Variants in LEPROTL1 observed in about 807,000 individuals in gnomAD.
The protein encoded by LEPROTL1 is leptin receptor overlapping transcript-like 1.
In LEPROTL1, 6 loss-of-function variants were observed where a neutral mutation model predicts 15.4. That is an observed-to-expected ratio of 0.39 (90% confidence interval 0.21 to 0.77). The LOEUF is 0.77. LEPROTL1 is among the 30% of genes least tolerant of loss of function. The pLI, the probability that LEPROTL1 is intolerant of heterozygous loss-of-function variation, is 0.41. For missense variants in LEPROTL1, 128 were observed against 158.1 expected (o/e 0.81, Z 1.02); for synonymous variants, 56 against 52.6 (o/e 1.06, Z -0.28).
downstream of LEPROTL1, among the ~76,000 whole-genome samples, chr8:30,110,565 C>A (rs1802641060): frequency 6.6e-6 from 1 of 152,038 alleles, no homozygotes; most frequent in Admixed American, 6.6e-5. Flanking sequence ...GAAACCCCAT[C>A]TCTTCTAAAA....
intron 1 of LEPROTL1, among the ~76,000 whole-genome samples, chr8:30,097,481 T>G (rs1736918531): frequency 6.6e-6 from 1 of 151,520 alleles, no homozygotes; most frequent in Admixed American, 6.6e-5. Flanking sequence ...GACCAACCTG[T>G]CCAAGATGGT....
intron 1 of LEPROTL1, among the ~76,000 whole-genome samples, chr8:30,098,309 AATAT>A (rs1178645144): frequency 6.6e-6 from 1 of 152,192 alleles, no homozygotes; most frequent in African/African-American, 2.4e-5. Context: ...CCTATTGAAA[AATAT>A]ATATAAGTGA....
At chr8:30,098,719 C>T (rs1029942245) in intron 1 of LEPROTL1, among the ~76,000 whole-genome samples, 15 of 152,190 alleles carry the variant, frequency 9.9e-5, no homozygotes, top group African/African-American at 3.6e-4. Context: ...TTGGACCCTC[C>T]AGAGTCTCAG....
At chr8:30,102,300 G>A (rs1234154943) in intron 2 of LEPROTL1, among the ~76,000 whole-genome samples, 1 of 148,018 alleles carries the variant, frequency 6.8e-6, no homozygotes, top group East Asian at 2.0e-4. Flanking sequence ...ATGTCTTTTT[G>A]CAAAAAAATA....
intron 3 of LEPROTL1, among the ~76,000 whole-genome samples, chr8:30,129,211 C>T (rs1205679697): frequency 6.6e-6 from 1 of 152,174 alleles, no homozygotes; most frequent in Non-Finnish European, 1.5e-5. Flanking sequence ...AAGGCCACTA[C>T]AAATCCTTGC....
At chr8:30,133,311 G>T (rs777669582) in intron 4 of LEPROTL1, among the ~76,000 whole-genome samples, 2 of 152,118 alleles carry the variant, frequency 1.3e-5, no homozygotes, top group African/African-American at 2.4e-5. Flanking sequence ...TGAAATTAGC[G>T]TAAAAAATCT....
intron 3 of LEPROTL1, among the ~76,000 whole-genome samples, chr8:30,119,996 G>A (rs1246821681): frequency 6.6e-6 from 1 of 152,150 alleles, no homozygotes; most frequent in Non-Finnish European, 1.5e-5. Context: ...TTGAACCTGG[G>A]AGGCAGAGGT....
chr8:30,096,395 G>A (rs1236521930), intron 1 of LEPROTL1: 2 of 985,328 alleles, frequency 2.0e-6, no homozygotes, highest in Non-Finnish European at 2.4e-6. Context: ...CTGCCGCTCT[G>A]TAGAAGGGCA....
rs11463597 is a variant in LEPROTL1 at position 30,102,333 on chromosome 8, T to TAA, written c.92+368_92+369dup. Among the ~76,000 whole-genome samples the TAA allele has an allele frequency of 7.9e-3, 1,182 of 150,498 alleles. 26 individuals carry two copies. The highest frequency in any genetic ancestry group is 0.026 in the African/African-American group (1,069 of 41,056). On this transcript the variant is annotated intron_variant, in intron 2 of 3. Coordinates refer to ENST00000321250, the MANE Select transcript of LEPROTL1 (RefSeq NM_015344.3). ...ATACCATAAGCAGTCAAAACACAAT[T>TAA]AAAAAAAAAGAGAGAGATGTAAACA...
At chr8:30,132,564 T>C (rs142604585) in intron 4 of LEPROTL1, 2 of 1,551,738 alleles carry the variant, frequency 1.3e-6, no homozygotes, top group South Asian at 2.4e-5. Context: ...TCAGTCCCGC[T>C]CCTGCATCCA....
chr8:30,124,802 C>T (rs1434452506), intron 3 of LEPROTL1, among the ~76,000 whole-genome samples: 1 of 152,158 alleles, frequency 6.6e-6, no homozygotes, highest in African/African-American at 2.4e-5. Context: ...CTCTTCAATC[C>T]TAAACAACAT....
chr8:30,114,520 A>G (rs1001457856), intron 3 of LEPROTL1, among the ~76,000 whole-genome samples: 5 of 151,920 alleles, frequency 3.3e-5, no homozygotes, highest in Non-Finnish European at 5.9e-5. Flanking sequence ...TGAACTCCTG[A>G]CCTGAAGTCA....
downstream of LEPROTL1, among the ~76,000 whole-genome samples, chr8:30,112,413 TTTTTTTTTTTTTTTTTTTGGATTTTTGG>T (rs1417735400): frequency 1.6e-5 from 2 of 125,728 alleles, no homozygotes; most frequent in African/African-American, 2.9e-5. Flanking sequence ...TTTTTTTTTT[TTTTTTTTTTTTTTTTTTTGGATTTTTGG>T]TAGGCACAGG....
At position 30,124,859 on chromosome 8, in the gene LEPROTL1, TTAACA is replaced by T. The variant is rs1207767366; in HGVS notation, c.280-7512_280-7508del. 2.0e-5 allele frequency among the ~76,000 whole-genome samples: 3 copies of T among 152,306 alleles called. No individual in the cohort carries two copies. In the East Asian group the frequency reaches 5.8e-4, roughly 29 times the overall value. The stretch of plus-strand genomic sequence containing the variant: ...TACCATGAGTGTCATCCATTAGGAG[TTAACA>T]TAATGTTCTTTCTACAGGGAAATGT... On this transcript the variant is annotated intron_variant, in intron 3 of 4. Transcript: ENST00000442880.
intron 3 of LEPROTL1, chr8:30,117,296 T>A: frequency 1.4e-6 from 1 of 690,302 alleles, no homozygotes; most frequent in Non-Finnish European, 2.4e-6. Flanking sequence ...CAGACCAGCC[T>A]GGACAAAATA....
intron 3 of LEPROTL1, among the ~76,000 whole-genome samples, chr8:30,118,806 C>G (rs962826179): frequency 3.3e-5 from 5 of 152,164 alleles, no homozygotes; most frequent in Admixed American, 2.6e-4. Context: ...GAATCTGTGT[C>G]ACAAATAAGT....
At position 30,107,341 on chromosome 8, in the gene LEPROTL1, T is replaced by A. The variant is rs987368210; in HGVS notation, c.*1479T>A. The A allele has an allele frequency of 1.8e-5, 18 of 985,648 alleles. No homozygotes were observed. The African/African-American group carries it at 2.6e-4, about 14-fold the overall frequency. 61.1% of individuals were successfully genotyped at this position (985,648 alleles called of 1,614,324 possible). On this transcript the variant is annotated 3_prime_UTR_variant, in exon 4 of 4. Transcript: ENST00000321250. ...TTTCAGGAGTGGGTTATAAAAACAT[T>A]CAAGTTGGTCTGACAGTATTTTGTT...
exon 5 of LEPROTL1, chr8:30,137,545 C>T (rs373759531): frequency 2.9e-5 from 39 of 1,358,738 alleles, no homozygotes; most frequent in African/African-American, 2.2e-4. Context: ...GTAGGCAACA[C>T]GTGGCAGTGA....
chr8:30,103,699 G>A (rs1797930858), intron 2 of LEPROTL1, among the ~76,000 whole-genome samples: 1 of 149,636 alleles, frequency 6.7e-6, no homozygotes, highest in South Asian at 2.1e-4. Context: ...CCGAGATCAT[G>A]CCACTGCACT....
Sources: gnomAD v4.1 joint callset for allele counts (sites outside exome capture counted in the v4.1 genomes callset) on GRCh38, gnomAD v4.1.1 for gene constraint, MANE v1.5 for transcripts, NCBI Gene and HGNC (gene_info 2026-07-23, HGNC 2026-07-21) for gene names.